The following PCDHGA4 variants were observed in gnomAD, a reference collection of about 807,000 sequenced individuals.
PCDHGA4 encodes the protein protocadherin gamma subfamily A, 4, also known as protocadherin gamma-A4.
Under a neutral mutation model 54.6 loss-of-function variants are expected in PCDHGA4, and 38 were observed. That is an observed-to-expected ratio of 0.70 (90% CI 0.54 to 0.91). PCDHGA4 has a LOEUF of 0.91. Among genes scored for constraint, PCDHGA4 ranks in the 40% least tolerant of loss-of-function variants. PCDHGA4 has a pLI of 0.00. For missense variants in PCDHGA4, 1,298 were observed against 1,220.9 expected (o/e 1.06, Z -0.94); for synonymous variants, 511 against 512.9 (o/e 1.00, Z 0.05).
At chr5:141,410,038 T>C (rs1364065272) in intron 1 of PCDHGA4, 2 of 1,613,086 alleles carry the variant, frequency 1.2e-6, no homozygotes, top group African/African-American at 1.3e-5. Flanking sequence ...TGCAGGCCAG[T>C]GAGCCCGGAC....
Position 141,376,079 on chromosome 5 carries a change from G to A in PCDHGA4, c.2514+18458G>A, listed in dbSNP as rs367626751. ...TGTCACGCTCACCGTGGCCGTGGCC[G>A]ACAGGATCCCCGACATCCTGGCCGA... is the stretch of plus-strand genomic sequence containing the variant. On this transcript the variant is annotated intron_variant, in intron 1 of 3. Coordinates refer to ENST00000571252, the MANE Select transcript of PCDHGA4 (RefSeq NM_018917.4). The A allele has an allele frequency of 5.8e-5, 93 of 1,613,564 alleles. No individual in the cohort carries two copies. The highest frequency in any genetic ancestry group is 1.3e-4 in the Admixed American group (8 of 60,010).
intron 1 of PCDHGA4, among the ~76,000 whole-genome samples, chr5:141,445,733 T>C (rs1031885468): frequency 6.6e-6 from 1 of 152,186 alleles, no homozygotes; most frequent in Non-Finnish European, 1.5e-5. Context: ...TGTGTAAAGA[T>C]CTTTTTAAAA....
intron 1 of PCDHGA4, chr5:141,409,901 C>T (rs1157563397): frequency 6.2e-7 from 1 of 1,613,264 alleles, no homozygotes; most frequent in East Asian, 2.2e-5. Flanking sequence ...GTACCCAGCT[C>T]TGGGTCCTGA....
At chr5:141,449,723 GA>G (rs1432635918) in intron 1 of PCDHGA4, among the ~76,000 whole-genome samples, 2 of 150,880 alleles carry the variant, frequency 1.3e-5, no homozygotes, top group Admixed American at 6.6e-5. Flanking sequence ...TATATGATAT[GA>G]TTTTTTTATG....
chr5:141,422,874 G>C (rs763219526), intron 1 of PCDHGA4: 56 of 1,614,134 alleles, frequency 3.5e-5, no homozygotes, highest in Non-Finnish European at 1.0e-5. Flanking sequence ...ACGTGTCGCT[G>C]AGCCTGTTCG....
At chr5:141,389,911 G>A in intron 1 of PCDHGA4, 1 of 1,614,066 alleles carries the variant, frequency 6.2e-7, no homozygotes, top group South Asian at 1.1e-5. Flanking sequence ...ATCACTGACC[G>A]CCCCGACCCC....
chr5:141,365,680 C>A (rs1281360154), intron 1 of PCDHGA4: 1 of 1,613,514 alleles, frequency 6.2e-7, no homozygotes, highest in South Asian at 1.1e-5. Flanking sequence ...ACAACCCACC[C>A]AATTTCCCTC....
rs964262114 is a variant in PCDHGA4, at chr5:141,356,920, G to C, written c.1813G>C (p.Gly605Arg). ...YPTFPTDGST[G>R]VELAPRSADS... ...CACCTTCCCTACTGATGGCTCCACTGGTGTGGAGCTGGCACCCCGCTCCGC... is the reference window on the plus strand; with the variant it reads ...CACCTTCCCTACTGATGGCTCCACTCGTGTGGAGCTGGCACCCCGCTCCGC... The change falls in exon 1 of 4, where the codon GGT becomes CGT. Residue 605 changes from glycine (G) to arginine (R), a missense_variant. Gly to Arg is a moderately radical substitution (Grantham distance 125). Transcript: ENST00000571252. The C allele has an allele frequency of 6.2e-7, 1 of 1,613,924 alleles. No individual in the cohort carries two copies. Among genetic ancestry groups the C allele is most frequent in the South Asian group, 1.1e-5 (1 of 91,072 alleles).
intron 1 of PCDHGA4, chr5:141,478,588 T>G (rs2099465964): frequency 6.3e-7 from 1 of 1,575,000 alleles, no homozygotes; most frequent in African/African-American, 1.4e-5. Flanking sequence ...TAGTGCTTTT[T>G]TATTCCTACA....
intron 1 of PCDHGA4, among the ~76,000 whole-genome samples, chr5:141,435,175 C>T (rs1199067294): frequency 6.6e-6 from 1 of 152,030 alleles, no homozygotes; most frequent in East Asian, 1.9e-4. Context: ...TGGCTTTTAA[C>T]TACACTTGAG....
intron 2 of PCDHGA4, among the ~76,000 whole-genome samples, chr5:141,504,713 G>A (rs1443171981): frequency 1.3e-5 from 2 of 151,850 alleles, no homozygotes; most frequent in African/African-American, 2.4e-5. Context: ...TATGGCCGTG[G>A]ATTTTACTCT....
chr5:141,435,940 G>A (rs2097787697), intron 1 of PCDHGA4, among the ~76,000 whole-genome samples: 1 of 152,066 alleles, frequency 6.6e-6, no homozygotes, highest in Admixed American at 6.5e-5. Flanking sequence ...CTGCTTCTGA[G>A]ACCAAAAAAG....
At chr5:141,399,836 T>C (rs2093900703) in intron 1 of PCDHGA4, 2 of 1,613,080 alleles carry the variant, frequency 1.2e-6, no homozygotes, top group East Asian at 2.2e-5. Context: ...GGCTCTGCGC[T>C]CTTCGATATG....
chr5:141,441,740 G>T (rs1241907865), intron 1 of PCDHGA4: 2 of 364,772 alleles, frequency 5.5e-6, no homozygotes, highest in Non-Finnish European at 1.1e-5. Context: ...ACTAGCTCGC[G>T]CTCGGCGTCA....
chr5:141,494,832 G>T lies in PCDHGA4; in HGVS notation c.2540G>T (p.Arg847Leu). 1 of 1,614,066 alleles carries T rather than the reference G, an allele frequency of 6.2e-7. No homozygotes were observed. ...CAAGCCCCGCCCAACACGGACTGGCGTTTCTCTCAGGCCCAGAGACCCGGC... is the reference window on the plus strand; with the variant it reads ...CAAGCCCCGCCCAACACGGACTGGCTTTTCTCTCAGGCCCAGAGACCCGGC... The part of the protein sequence containing the change: ...LQQAPPNTDW[R>L]FSQAQRPGTS... The change falls in exon 2 of 4, where the codon CGT becomes CTT. Residue 847 changes from arginine to leucine, a missense_variant. Transcript: ENST00000571252.
intron 1 of PCDHGA4, chr5:141,375,805 C>G (rs748127561): frequency 6.2e-7 from 1 of 1,614,214 alleles, no homozygotes; most frequent in Admixed American, 1.7e-5. Flanking sequence ...GTTCCACTGG[C>G]GTGGAGCTGG....
At chr5:141,421,009 T>C (rs948913987) in intron 1 of PCDHGA4, 1 of 515,496 alleles carries the variant, frequency 1.9e-6, no homozygotes, top group East Asian at 3.2e-5. Flanking sequence ...AATCAGGGAA[T>C]GGGAAGCTGC....
chr5:141,424,860 A>C (rs2154550951), intron 1 of PCDHGA4, among the ~76,000 whole-genome samples: 1 of 152,340 alleles, frequency 6.6e-6, no homozygotes. Flanking sequence ...TGTCTAGGAA[A>C]GCCAAATGAG....
chr5:141,463,382 T>C (rs2099057893), intron 1 of PCDHGA4, among the ~76,000 whole-genome samples: 1 of 151,594 alleles, frequency 6.6e-6, no homozygotes, highest in Admixed American at 6.6e-5. Context: ...AGTCTGAAAG[T>C]TGTCTCCAGG....
Sources: gnomAD v4.1 joint callset for allele counts (sites outside exome capture counted in the v4.1 genomes callset) on GRCh38, gnomAD v4.1.1 for gene constraint, MANE v1.5 for transcripts, NCBI Gene and HGNC (gene_info 2026-07-23, HGNC 2026-07-21) for gene names.